PACRG: variants seen among roughly 807,000 people sequenced by gnomAD.
PACRG encodes parkin coregulated.
Under a neutral mutation model 29.7 loss-of-function variants are expected in PACRG, and 29 were observed. That is an observed-to-expected ratio of 0.98 (90% CI 0.73 to 1.33). PACRG has a LOEUF of 1.33. Among genes scored for constraint, PACRG ranks in the 40% most tolerant of loss-of-function variants. The pLI is 0.00. For synonymous variants in PACRG, 116 were observed against 118.7 expected, an observed-to-expected ratio of 0.98 and a Z score of 0.15; for missense variants, 279 against 316.2, an observed-to-expected ratio of 0.88 and a Z score of 0.89.
intron 2 of PACRG, chr6:163,051,585 G>T (rs1054542143): frequency 1.3e-5 from 2 of 152,034 alleles, no homozygotes; most frequent in East Asian, 3.9e-4. Flanking sequence ...TCCACAGACA[G>T]ATTTGAAGAG....
At chr6:163,158,374 C>A (rs76664015) in intron 4 of PACRG, among the ~76,000 whole-genome samples, 3,633 of 152,234 alleles carry the variant, frequency 0.024, 149 homozygotes, top group African/African-American at 0.082. Context: ...AACCACGAAA[C>A]CTCTTTCACC....
At chr6:163,146,472 G>GC (rs1295641002) in intron 4 of PACRG, among the ~76,000 whole-genome samples, 1 of 152,190 alleles carries the variant, frequency 6.6e-6, no homozygotes, top group Non-Finnish European at 1.5e-5. Flanking sequence ...TGTTTATCAA[G>GC]CTAAGAAACT....
At chr6:163,152,972 G>A (rs1035645154) in intron 4 of PACRG, among the ~76,000 whole-genome samples, 1 of 152,132 alleles carries the variant, frequency 6.6e-6, no homozygotes, top group African/African-American at 2.4e-5. Flanking sequence ...CTTCAGGGGA[G>A]AGCCAGTGTT....
At chr6:162,757,850 G>A (rs1782049947) in intron 1 of PACRG, among the ~76,000 whole-genome samples, 1 of 152,150 alleles carries the variant, frequency 6.6e-6, no homozygotes, top group African/African-American at 2.4e-5. Context: ...AGAAAAATAT[G>A]AGAAAGAGAT....
intron 2 of PACRG, among the ~76,000 whole-genome samples, chr6:162,962,931 T>C (rs2128146798): frequency 6.6e-6 from 1 of 152,322 alleles, no homozygotes; most frequent in Non-Finnish European, 1.5e-5. Flanking sequence ...TTGGATCTTG[T>C]GTTCTTCATC....
intron 1 of PACRG, among the ~76,000 whole-genome samples, chr6:162,773,742 C>G (rs1783425791): frequency 6.6e-6 from 1 of 151,858 alleles, no homozygotes; most frequent in Non-Finnish European, 1.5e-5. Context: ...GTCTCGATCT[C>G]CTGACCTCAT....
chr6:163,101,010 C>G (rs1356253735), intron 4 of PACRG: 3 of 983,076 alleles, frequency 3.1e-6, no homozygotes, highest in Non-Finnish European at 3.6e-6. Context: ...ACTTTTTTTG[C>G]TCTTAAGTAC....
intron 4 of PACRG, among the ~76,000 whole-genome samples, chr6:163,098,097 A>G (rs1814765072): frequency 6.6e-6 from 1 of 152,176 alleles, no homozygotes; most frequent in Non-Finnish European, 1.5e-5. Flanking sequence ...TATAGGGTTA[A>G]ATGAAACCTC....
chr6:162,937,876 T>G (rs1321850936), intron 2 of PACRG, among the ~76,000 whole-genome samples: 1 of 151,804 alleles, frequency 6.6e-6, no homozygotes, highest in African/African-American at 2.4e-5. Flanking sequence ...TGCTTTGGGG[T>G]TTATTTGCAG....
intron 2 of PACRG, among the ~76,000 whole-genome samples, chr6:162,857,628 T>C (rs1791510916): frequency 2.0e-5 from 3 of 152,148 alleles, no homozygotes. Flanking sequence ...TGAAGTAACT[T>C]AGGCTGGCCA....
chr6:162,951,104 A>G (rs2128132435), intron 2 of PACRG, among the ~76,000 whole-genome samples: 1 of 152,308 alleles, frequency 6.6e-6, no homozygotes, highest in East Asian at 1.9e-4. Context: ...TTGTTTCATG[A>G]ATGAAAGTTC....
At chr6:163,314,333 C>T (rs76758697) in intron 4 of PACRG, among the ~76,000 whole-genome samples, 5,774 of 152,298 alleles carry the variant, frequency 0.038, 377 homozygotes, top group African/African-American at 0.13. Context: ...GAACTGAACA[C>T]TTGGATTACT....
At chr6:163,245,459 G>C (rs1782655794) in intron 4 of PACRG, among the ~76,000 whole-genome samples, 1 of 152,122 alleles carries the variant, frequency 6.6e-6, no homozygotes, top group African/African-American at 2.4e-5. Context: ...AAATCGCACA[G>C]AGCCGGCGTC....
chr6:163,251,235 C>A (rs1782891724), intron 4 of PACRG, among the ~76,000 whole-genome samples: 3 of 151,718 alleles, frequency 2.0e-5, no homozygotes, highest in Non-Finnish European at 4.4e-5. Flanking sequence ...CCAAATACCA[C>A]CTGTACCCCA....
Position 163,087,350 on chromosome 6 carries a change from G to T in PACRG, c.464-1909G>T, listed in dbSNP as rs956046066. ...AGAAGAGGAGGTGAGGATGGAAACA[G>T]GGACCAGAAGAGAGATGGTGAAAAT... On this transcript the variant is annotated intron_variant, in intron 3 of 4. Transcript: ENST00000366888. Among the ~76,000 whole-genome samples, 4 of 140,316 alleles carry T rather than the reference G, an allele frequency of 2.9e-5. 1 individual carries two copies. Among genetic ancestry groups the T allele is most frequent in the African/African-American group, 1.1e-4 (4 of 37,074 alleles). The allele number at this position is 140,316 out of a possible 152,430, so 92.1% of individuals were successfully genotyped here. A position where few individuals can be genotyped will look rare whatever the true frequency, so the allele number is the denominator to read the frequency against.
At chr6:163,059,079 CAAAA>C (rs572558082) in intron 2 of PACRG, among the ~76,000 whole-genome samples, 1 of 68,432 alleles carries the variant, frequency 1.5e-5, no homozygotes, top group African/African-American at 5.6e-5. Context: ...AACTCCATCT[CAAAA>C]AAAAAAAAAA....
intron 2 of PACRG, among the ~76,000 whole-genome samples, chr6:162,904,810 A>C (rs561001041): frequency 6.6e-6 from 1 of 152,324 alleles, no homozygotes; most frequent in South Asian, 2.1e-4. Context: ...AAAAGCTTAC[A>C]AAAGAGTAAG....
intron 4 of PACRG, among the ~76,000 whole-genome samples, chr6:163,116,828 G>A (rs926269957): frequency 3.3e-5 from 5 of 152,158 alleles, no homozygotes; most frequent in South Asian, 2.1e-4. Flanking sequence ...TGAGAAGCTT[G>A]GGTGTTAGGA....
At chr6:162,864,269 C>T (rs1792110001) in intron 2 of PACRG, among the ~76,000 whole-genome samples, 1 of 152,076 alleles carries the variant, frequency 6.6e-6, no homozygotes, top group African/African-American at 2.4e-5. Context: ...GCTTAATGTC[C>T]ATAATATCAC....
Sources: allele counts gnomAD v4.1 joint callset (sites outside exome capture counted in the v4.1 genomes callset), GRCh38; gene constraint gnomAD v4.1.1; transcripts MANE v1.5; gene names NCBI Gene and HGNC (gene_info 2026-07-23, HGNC 2026-07-21).